The following CMSS1 variants were observed in gnomAD, a reference collection of about 807,000 sequenced individuals.
CMSS1 encodes protein CMSS1.
Under a neutral mutation model 43.5 loss-of-function variants are expected in CMSS1, and 33 were observed. That is an observed-to-expected ratio of 0.76 (90% CI 0.57 to 1.01). The LOEUF (loss-of-function observed/expected upper bound fraction) is 1.01, where lower values mean the gene tolerates loss of function less well. CMSS1 is among the 50% of genes least tolerant of loss of function. The pLI, the probability that CMSS1 is intolerant of heterozygous loss-of-function variation, is 0.00. For missense variants in CMSS1, 313 were observed against 326.4 expected (o/e 0.96, Z 0.32); for synonymous variants, 115 against 117.2 (o/e 0.98, Z 0.12).
intron 2 of CMSS1, among the ~76,000 whole-genome samples, chr3:100,157,324 A>G (rs1379880568): frequency 2.0e-5 from 3 of 152,158 alleles, no homozygotes; most frequent in African/African-American, 7.2e-5. Flanking sequence ...CTCTGAGGAT[A>G]TGAATTGTCA....
At chr3:99,890,090 A>G (rs753857422) in intron 1 of CMSS1, among the ~76,000 whole-genome samples, 2 of 151,968 alleles carry the variant, frequency 1.3e-5, no homozygotes, top group African/African-American at 2.4e-5. Flanking sequence ...TGCACACTGT[A>G]TTTATTTGAA....
chr3:100,051,150 A>G (rs1237922215), intron 1 of CMSS1: 1 of 152,134 alleles, frequency 6.6e-6, no homozygotes, highest in Non-Finnish European at 1.5e-5. Flanking sequence ...AACCCTTTCC[A>G]TAAGTCAGAA....
At chr3:99,975,165 C>A (rs1708933151) in intron 1 of CMSS1, among the ~76,000 whole-genome samples, 1 of 152,204 alleles carries the variant, frequency 6.6e-6, no homozygotes, top group Non-Finnish European at 1.5e-5. Context: ...CCTCCCCGCT[C>A]CAATCTACCA....
intron 1 of CMSS1, among the ~76,000 whole-genome samples, chr3:99,901,607 C>T (rs1706439648): frequency 6.6e-6 from 1 of 152,212 alleles, no homozygotes; most frequent in Non-Finnish European, 1.5e-5. Context: ...ACATAGTTTA[C>T]ACTGCTTAAA....
intron 1 of CMSS1, among the ~76,000 whole-genome samples, chr3:100,019,499 GATTTA>G (rs1249471232): frequency 6.6e-6 from 1 of 152,092 alleles, no homozygotes; most frequent in Non-Finnish European, 1.5e-5. Flanking sequence ...TATTTTTAGT[GATTTA>G]ATTTCTAAAA....
intron 1 of CMSS1, among the ~76,000 whole-genome samples, chr3:99,896,314 A>G (rs1349793574): frequency 6.6e-6 from 1 of 152,224 alleles, no homozygotes; most frequent in Non-Finnish European, 1.5e-5. Flanking sequence ...GGCAAGGGAA[A>G]ATTTGTTGCC....
intron 1 of CMSS1, among the ~76,000 whole-genome samples, chr3:99,956,584 T>G (rs1708326295): frequency 6.6e-6 from 1 of 152,210 alleles, no homozygotes; most frequent in Non-Finnish European, 1.5e-5. Flanking sequence ...TGACCTCAGA[T>G]GATCCACCTG....
intron 1 of CMSS1, among the ~76,000 whole-genome samples, chr3:100,081,436 C>A (rs560787213): frequency 1.3e-3 from 197 of 152,288 alleles, no homozygotes; most frequent in African/African-American, 4.6e-3. Flanking sequence ...TCTTGTCTGT[C>A]AATGCTAGTC....
intron 1 of CMSS1, among the ~76,000 whole-genome samples, chr3:99,825,158 G>C (rs1942513566): frequency 6.6e-6 from 1 of 152,194 alleles, no homozygotes; most frequent in Non-Finnish European, 1.5e-5. Flanking sequence ...ATATTTGTAG[G>C]AGATGTTAAT....
At chr3:100,137,622 G>A (rs1327254052) in intron 1 of CMSS1, among the ~76,000 whole-genome samples, 1 of 151,668 alleles carries the variant, frequency 6.6e-6, no homozygotes, top group Admixed American at 6.6e-5. Flanking sequence ...GAGTGCAGTG[G>A]CGTGATCTCG....
intron 1 of CMSS1, among the ~76,000 whole-genome samples, chr3:100,112,128 T>TA (rs1370039202): frequency 6.6e-6 from 1 of 152,196 alleles, no homozygotes; most frequent in African/African-American, 2.4e-5. Flanking sequence ...CTAATATAAC[T>TA]AAACAAACTT....
chr3:99,848,734 A>G, intron 1 of CMSS1: 38 of 1,614,194 alleles, frequency 2.4e-5, no homozygotes, highest in Non-Finnish European at 3.2e-5. Context: ...TGCTCTGGCA[A>G]AGGTTGCCAT....
chr3:99,932,974 TTC>T (rs1340062574), intron 1 of CMSS1, among the ~76,000 whole-genome samples: 6 of 152,216 alleles, frequency 3.9e-5, no homozygotes, highest in African/African-American at 1.4e-4. Context: ...CTAAGCATTC[TTC>T]TCAGCATTTT....
At chr3:100,072,249 A>T (rs1294021826) in intron 1 of CMSS1, among the ~76,000 whole-genome samples, 2 of 152,208 alleles carry the variant, frequency 1.3e-5, no homozygotes, top group Admixed American at 6.5e-5. Flanking sequence ...AAACCCAAGG[A>T]TTATTCAGTC....
intron 1 of CMSS1, among the ~76,000 whole-genome samples, chr3:100,131,659 C>T (rs1440121675): frequency 4.6e-5 from 7 of 152,132 alleles, no homozygotes; most frequent in Non-Finnish European, 1.0e-4. Context: ...TCCCTGCACC[C>T]CAATGTGATA....
chr3:99,825,123 T>G (rs1304523849), intron 1 of CMSS1, among the ~76,000 whole-genome samples: 1 of 152,252 alleles, frequency 6.6e-6, no homozygotes, highest in Non-Finnish European at 1.5e-5. Flanking sequence ...AGGCATTGTC[T>G]CTACATATAA....
intron 1 of CMSS1, among the ~76,000 whole-genome samples, chr3:100,055,706 T>C (rs528344722): frequency 4.6e-5 from 7 of 152,216 alleles, no homozygotes; most frequent in Non-Finnish European, 1.0e-4. Context: ...AGTCAAACAT[T>C]CTTGAGAGGA....
At chr3:99,894,819 T>C (rs146258096) in intron 1 of CMSS1, among the ~76,000 whole-genome samples, 234 of 152,346 alleles carry the variant, frequency 1.5e-3, no homozygotes, top group African/African-American at 5.4e-3. Flanking sequence ...ACAAGGTTTA[T>C]ATGTACTCCT....
chr3:99,959,070 AAC>A (rs1333932139), intron 1 of CMSS1, among the ~76,000 whole-genome samples: 2 of 152,218 alleles, frequency 1.3e-5, no homozygotes, highest in Non-Finnish European at 2.9e-5. Flanking sequence ...AGAATTTGAA[AAC>A]ACATCAGGAT....
Sources: gnomAD v4.1 joint callset for allele counts (sites outside exome capture counted in the v4.1 genomes callset) on GRCh38, gnomAD v4.1.1 for gene constraint, MANE v1.5 for transcripts, NCBI Gene and HGNC (gene_info 2026-07-23, HGNC 2026-07-21) for gene names.